The following BRD4 variants were observed in gnomAD, a reference collection of about 807,000 sequenced individuals.
BRD4 encodes bromodomain-containing protein 4.
A neutral mutation model predicts 142.1 loss-of-function variants in BRD4; 16 were observed. That is an observed-to-expected ratio of 0.11 (90% CI 0.08 to 0.17). The LOEUF is 0.17. BRD4 is among the 10% of genes least tolerant of loss of function. The pLI, the probability that BRD4 is intolerant of heterozygous loss-of-function variation, is 1.00. For missense variants in BRD4, 1,424 were observed against 1,810.9 expected, an observed-to-expected ratio of 0.79 and a Z score of 3.88; for synonymous variants, 833 against 707.5, an observed-to-expected ratio of 1.18 and a Z score of -2.82.
chr19:15,294,840 G>A (rs1166909449), intron 1 of BRD4, among the ~76,000 whole-genome samples: 6 of 152,176 alleles, frequency 3.9e-5, no homozygotes. Flanking sequence ...GCCCTGTGCA[G>A]TGAAGTAGCA....
intron 1 of BRD4, among the ~76,000 whole-genome samples, chr19:15,290,772 C>G (rs563786202): frequency 5.5e-4 from 83 of 152,178 alleles, no homozygotes; most frequent in African/African-American, 1.9e-3. Flanking sequence ...CCCATATGTA[C>G]GAAAACCTAA....
intron 1 of BRD4, among the ~76,000 whole-genome samples, chr19:15,299,996 G>A: frequency 6.6e-6 from 1 of 152,192 alleles, no homozygotes; most frequent in Non-Finnish European, 1.5e-5. Flanking sequence ...TGCAATCCCA[G>A]CACTTTGGGA....
chr19:15,329,614 CTGTAAT>C (rs2048139681), intron 1 of BRD4, among the ~76,000 whole-genome samples: 1 of 152,140 alleles, frequency 6.6e-6, no homozygotes, highest in South Asian at 2.1e-4. Context: ...CGGCGCGTGC[CTGTAAT>C]CCCAGCTACT....
rs576541899 is a variant in BRD4, at chr19:15,295,863, C to T, written c.-34-22730G>A. Among the ~76,000 whole-genome samples, 7 of 152,282 alleles carry T rather than the reference C, an allele frequency of 4.6e-5. No individual in the cohort carries two copies. In the East Asian group the frequency reaches 1.4e-3, roughly 29 times the overall value. ...GCACACGCCTGTAATCCCAGCTATTCGGAAGACTGAGGCAGGAGAACTGCT... is the reference window on the plus strand; with the variant it reads ...GCACACGCCTGTAATCCCAGCTATTTGGAAGACTGAGGCAGGAGAACTGCT... On this transcript the variant is annotated intron_variant, in intron 1 of 19. Coordinates refer to ENST00000679869, the MANE Select transcript of BRD4 (RefSeq NM_001379291.1).
intron 1 of BRD4, among the ~76,000 whole-genome samples, chr19:15,304,414 A>G (rs1273637143): frequency 6.6e-6 from 1 of 152,226 alleles, no homozygotes; most frequent in Non-Finnish European, 1.5e-5. Flanking sequence ...GGAAACAGTT[A>G]AAACACATTT....
rs2145625004 is a variant in BRD4 at position 15,272,974 on chromosome 19, G to A, written c.126C>T (p.Ser42=). The A allele has an allele frequency of 6.2e-7, 1 of 1,614,218 alleles. No homozygotes were observed. The highest frequency in any genetic ancestry group is 8.5e-7 in the Non-Finnish European group (1 of 1,180,048). ...AGGTCTCTGGGGGCGGGGGGTTGGT[G>A]CTGGCTGCGTTGGCTGGCTGGGGTT... The part of the protein sequence containing the change: ...QAQPQPANAA[S]TNPPPPETSN... The change falls in exon 2 of 20, where the codon AGC becomes AGT. Residue 42 remains serine, a synonymous_variant. Transcript: ENST00000679869.
At chr19:15,325,719 C>A (rs1470419091) in intron 1 of BRD4, among the ~76,000 whole-genome samples, 2 of 152,036 alleles carry the variant, frequency 1.3e-5, no homozygotes, top group Admixed American at 1.3e-4. Flanking sequence ...AGAGAAAACA[C>A]CAGATGAAGT....
chr19:15,245,090 T>C lies in BRD4; in HGVS notation c.2159-328A>G, dbSNP rs575246661. 3.9e-4 allele frequency: 168 copies of C among 431,312 alleles called. 1 individual carries two copies. The highest frequency in any genetic ancestry group is 4.0e-4 in the Non-Finnish European group (94 of 235,286). 26.7% of individuals were successfully genotyped at this position (431,312 alleles called of 1,614,324 possible). ...CTACTCAAGGGTCAGTCACTCACTA[T>C]AGTGACTGAGTGCATGGCCTGGACA... On this transcript the variant is annotated intron_variant, in intron 11 of 19. Coordinates refer to ENST00000679869, the MANE Select transcript of BRD4 (RefSeq NM_001379291.1).
chr19:15,297,896 C>T lies in BRD4; in HGVS notation c.-34-24763G>A, dbSNP rs531520472. On this transcript the variant is annotated intron_variant, in intron 1 of 19. Coordinates refer to ENST00000679869, the MANE Select transcript of BRD4 (RefSeq NM_001379291.1). The stretch of plus-strand genomic sequence containing the variant: ...GGTGCAGCACGGTGAAAGAGTGCTG[C>T]CTACATGTGTGCCCATCCACAACCT... 3.9e-5 allele frequency among the ~76,000 whole-genome samples: 6 copies of T among 152,308 alleles called. No homozygotes were observed. In the South Asian group the frequency reaches 1.2e-3, roughly 32 times the overall value.
intron 1 of BRD4, among the ~76,000 whole-genome samples, chr19:15,284,927 A>T (rs1386083969): frequency 6.6e-6 from 1 of 152,240 alleles, no homozygotes. Context: ...GAAGTCAAGC[A>T]GCCCAACTCT....
chr19:15,255,256 G>A lies in BRD4; in HGVS notation c.2047+41C>T, dbSNP rs762473107. 6 of 1,570,824 alleles carry A rather than the reference G, an allele frequency of 3.8e-6. No individual in the cohort carries two copies. In the South Asian group the frequency reaches 5.8e-5, roughly 15 times the overall value. On this transcript the variant is annotated intron_variant, in intron 10 of 19. Transcript: ENST00000679869. ...AGGAGGGAAAAGTTACTCTGAGGGT[G>A]CCCACAGAAGGAACCCCATGCCCAG...
At chr19:15,281,241 C>A (rs2047701782) in intron 1 of BRD4, among the ~76,000 whole-genome samples, 1 of 152,178 alleles carries the variant, frequency 6.6e-6, no homozygotes, top group African/African-American at 2.4e-5. Context: ...CTTGGACCAG[C>A]CAAGTGGTGG....
intron 11 of BRD4, chr19:15,249,146 G>A (rs1173179301): frequency 6.8e-6 from 10 of 1,469,304 alleles, no homozygotes; most frequent in Non-Finnish European, 7.5e-6. Context: ...CGGGGGACAG[G>A]CCCAGGGCTC....
Position 15,236,316 on chromosome 19 carries a change from C to G in BRD4, c.*2061G>C, listed in dbSNP as rs1269150329. Reference sequence around the variant, plus strand: ...GTACATACACAAGTGGACACACAGGCAGAGCAGCCACCTGTGGGCTTTCTT... The same window carrying G: ...GTACATACACAAGTGGACACACAGGGAGAGCAGCCACCTGTGGGCTTTCTT... On this transcript the variant is annotated 3_prime_UTR_variant, in exon 20 of 20. Transcript: ENST00000679869. The G allele has an allele frequency of 6.6e-6, 1 of 152,174 alleles. No individual in the cohort carries two copies. Among genetic ancestry groups the G allele is most frequent in the Non-Finnish European group, 1.5e-5 (1 of 68,046 alleles). The allele number at this position is 152,174 out of a possible 1,614,324, so 9.4% of individuals were successfully genotyped here.
At chr19:15,323,685 C>A (rs1335479939) in intron 1 of BRD4, among the ~76,000 whole-genome samples, 1 of 152,118 alleles carries the variant, frequency 6.6e-6, no homozygotes, top group African/African-American at 2.4e-5. Context: ...AAGCCCAACA[C>A]CTCTCCCCTG....
At chr19:15,241,355 T>C (rs1001053328) in intron 14 of BRD4, among the ~76,000 whole-genome samples, 1 of 152,138 alleles carries the variant, frequency 6.6e-6, no homozygotes, top group African/African-American at 2.4e-5. Context: ...GGGGCTGTGG[T>C]TTATAGAAAC....
At chr19:15,269,130 C>T in intron 2 of BRD4, 88 bp from the exon 3 acceptor site, 7 of 1,477,920 alleles carry the variant, frequency 4.7e-6, no homozygotes, top group Non-Finnish European at 6.4e-6. Flanking sequence ...GGGGACCTCA[C>T]CCCTGGCTGC....
At position 15,308,952 on chromosome 19, in the gene BRD4, T is replaced by C. The variant is rs185631702; in HGVS notation, c.-35+23338A>G. Among the ~76,000 whole-genome samples, 651 of 151,550 alleles carry C rather than the reference T, an allele frequency of 4.3e-3. 20 individuals carry two copies. The highest frequency in any genetic ancestry group is 0.04 in the Admixed American group (610 of 15,198). On this transcript the variant is annotated intron_variant, in intron 1 of 19. Coordinates refer to ENST00000679869, the MANE Select transcript of BRD4 (RefSeq NM_001379291.1). ...ATTGCTTCAACCCAGCAGGTGAAGG[T>C]TGCAGTGAGCCAAGATTGCACCACT...
At chr19:15,255,720 G>C (rs2047401258) in intron 9 of BRD4, 128 bp from the exon 10 acceptor site, 1 of 1,239,036 alleles carries the variant, frequency 8.1e-7, no homozygotes, top group Non-Finnish European at 1.1e-6. Flanking sequence ...GCCTTCACAG[G>C]AAACGGGGCA....
Sources: allele counts gnomAD v4.1 joint callset (sites outside exome capture counted in the v4.1 genomes callset), GRCh38; gene constraint gnomAD v4.1.1; transcripts MANE v1.5; gene names NCBI Gene and HGNC (gene_info 2026-07-23, HGNC 2026-07-21).